CDK5RAP2: variants seen among roughly 807,000 people sequenced by gnomAD.
CDK5RAP2 encodes CDK5 regulatory subunit-associated protein 2.
A neutral mutation model predicts 232.9 loss-of-function variants in CDK5RAP2; 147 were observed. The observed-to-expected ratio is 0.63, with a 90% CI of 0.55 to 0.72. The LOEUF (loss-of-function observed/expected upper bound fraction) is 0.72, where lower values mean the gene tolerates loss of function less well. Ranked by LOEUF, CDK5RAP2 falls within the 30% of genes least tolerant of loss-of-function variation. The probability of loss-of-function intolerance (pLI) is 0.00; values close to 1 mark genes in which losing one functional copy is unlikely to be tolerated. For synonymous variants in CDK5RAP2, 833 were observed against 833.7 expected, an observed-to-expected ratio of 1.00 and a Z score of 0.01; for missense variants, 2,195 against 2,231.5, an observed-to-expected ratio of 0.98 and a Z score of 0.33.
chr9:120,458,390 A>T, intron 20 of CDK5RAP2, 60 bp downstream of exon 20: 2 of 1,538,902 alleles, frequency 1.3e-6, no homozygotes, highest in Non-Finnish European at 1.8e-6. Flanking sequence ...CATTTAGCAA[A>T]ATGAGTTTGT....
In CDK5RAP2 at chr9:120,477,355, T is replaced by C; in HGVS notation, c.1722A>G (p.Ser574=). The change falls in exon 15 of 38, where the codon TCA becomes TCG. Residue 574 remains serine, a synonymous_variant. Coordinates refer to ENST00000349780, the MANE Select transcript of CDK5RAP2 (RefSeq NM_018249.6). The part of the protein sequence containing the change: ...YTHLVKSLQE[S]DSINNLQAEL... ...GTCCAGACAGAAACGCTTACCTGTCTGATTCCTGCAGAGATTTGACCAGAT... is the reference window on the plus strand; with the variant it reads ...GTCCAGACAGAAACGCTTACCTGTCCGATTCCTGCAGAGATTTGACCAGAT... The C allele has an allele frequency of 6.2e-7, 1 of 1,612,568 alleles. No individual in the cohort carries two copies. Among genetic ancestry groups the C allele is most frequent in the Non-Finnish European group, 8.5e-7 (1 of 1,178,866 alleles).
At chr9:120,401,005 A>G (rs2032963334) in intron 34 of CDK5RAP2, 120 bp from the exon 35 acceptor site, 1 of 1,052,232 alleles carries the variant, frequency 9.5e-7, no homozygotes, top group African/African-American at 1.6e-5. Context: ...GCTGAGCGAA[A>G]GCCTGGTACC....
At chr9:120,450,303 G>A (rs191662544) in intron 21 of CDK5RAP2, among the ~76,000 whole-genome samples, 1 of 152,304 alleles carries the variant, frequency 6.6e-6, no homozygotes, top group Non-Finnish European at 1.5e-5. Flanking sequence ...ATCCAGAATA[G>A]GCAAATTGAA....
Position 120,402,900 on chromosome 9 carries a change from A to G in CDK5RAP2, c.5213T>C (p.Leu1738Pro), listed in dbSNP as rs2033149120. 6.2e-7 allele frequency: 1 copy of G among 1,614,088 alleles called. No homozygotes were observed. Among genetic ancestry groups the G allele is most frequent in the Non-Finnish European group, 8.5e-7 (1 of 1,180,032 alleles). ...CCTCTGTCCCTGGCTGATCTGTTTG[A>G]GCAGGGCCTCATAGTCCTCAATCAG... ...LGLIEDYEAL[L>P]KQISQGQRLL... Residue 1738 changes from leucine to proline, a missense_variant, in exon 34 of 38, where the codon CTC (leucine) becomes CCC (proline). Leu to Pro is a moderately conservative substitution (Grantham distance 98). Transcript: ENST00000349780.
intron 34 of CDK5RAP2, among the ~76,000 whole-genome samples, chr9:120,401,457 A>T (rs1052740758): frequency 2.0e-5 from 3 of 151,962 alleles, no homozygotes; most frequent in African/African-American, 7.3e-5. Flanking sequence ...ACAAAAAAAT[A>T]AAAAATTAGC....
chr9:120,530,894 T>C (rs1165541541), intron 7 of CDK5RAP2, among the ~76,000 whole-genome samples: 1 of 8,286 alleles, frequency 1.2e-4, no homozygotes, highest in Non-Finnish European at 1.4e-3. Context: ...CATTAGGAGA[T>C]ATACCTAATG....
intron 12 of CDK5RAP2, among the ~76,000 whole-genome samples, chr9:120,515,543 T>C (rs1478651885): frequency 6.6e-6 from 1 of 152,226 alleles, no homozygotes; most frequent in East Asian, 1.9e-4. Context: ...TAACACTGAA[T>C]AAAGATGAGA....
Position 120,557,629 on chromosome 9 carries a change from C to T in CDK5RAP2, c.196-6727G>A, listed in dbSNP as rs540259141. 2.0e-5 allele frequency among the ~76,000 whole-genome samples: 3 copies of T among 152,120 alleles called. No homozygotes were observed. In the South Asian group the frequency reaches 6.2e-4, roughly 32 times the overall value. On this transcript the variant is annotated intron_variant, in intron 3 of 37. Coordinates refer to ENST00000349780, the MANE Select transcript of CDK5RAP2 (RefSeq NM_018249.6). ...TAAAAATTAGCTGGGTATAGTGGCA[C>T]ACACCTGTAGTCCCAGCTACTCGAG... is the stretch of plus-strand genomic sequence containing the variant.
At chr9:120,525,121 TCTC>T (rs751778946) in intron 10 of CDK5RAP2, 43 bp from the exon 11 acceptor site, 22 of 1,435,582 alleles carry the variant, frequency 1.5e-5, no homozygotes, top group Non-Finnish European at 2.2e-5. Flanking sequence ...GTAACTGGGC[TCTC>T]CTCTCTGCAC....
At chr9:120,520,736 ATCATGTGATATCTCATATC>A (rs1244789328) in intron 11 of CDK5RAP2, among the ~76,000 whole-genome samples, 3 of 150,062 alleles carry the variant, frequency 2.0e-5, no homozygotes, top group African/African-American at 7.4e-5. Flanking sequence ...TCATATATGT[ATCATGTGATATCTCATATC>A]TCATGAGATA....
intron 3 of CDK5RAP2, among the ~76,000 whole-genome samples, chr9:120,559,583 A>C (rs1453252452): frequency 6.6e-6 from 1 of 151,720 alleles, no homozygotes; most frequent in Non-Finnish European, 1.5e-5. Flanking sequence ...AAAAAAAAAA[A>C]AAAAAACTTG....
intron 18 of CDK5RAP2, 180 bp from the exon 19 acceptor site, chr9:120,460,847 T>G: frequency 2.0e-6 from 2 of 1,011,492 alleles, no homozygotes; most frequent in South Asian, 3.1e-5. Flanking sequence ...AGTTGCTAGT[T>G]GTGGCGAATC....
Position 120,402,923 on chromosome 9 carries a change from C to T in CDK5RAP2, c.5190G>A (p.Leu1730=). 6.2e-7 allele frequency: 1 copy of T among 1,614,180 alleles called. No homozygotes were observed. Among genetic ancestry groups the T allele is most frequent in the Non-Finnish European group, 8.5e-7 (1 of 1,180,036 alleles). Residue 1730 remains leucine, a synonymous_variant, in exon 34 of 38, where the codon CTG becomes CTA. Transcript: ENST00000349780. The part of the protein sequence containing the change: ...ASKNGRHVLG[L]IEDYEALLKQ... ...TGAGCAGGGCCTCATAGTCCTCAAT[C>T]AGGCCCAGGACATGGCGGCCATTCT...
intron 14 of CDK5RAP2, among the ~76,000 whole-genome samples, chr9:120,483,739 G>A (rs1276985452): frequency 1.3e-5 from 2 of 152,214 alleles, no homozygotes; most frequent in Non-Finnish European, 2.9e-5. Flanking sequence ...TGAGTAGTAG[G>A]ACTGGCATTC....
At chr9:120,496,747 C>G (rs1776451619) in intron 12 of CDK5RAP2, among the ~76,000 whole-genome samples, 1 of 130,972 alleles carries the variant, frequency 7.6e-6, no homozygotes, top group Non-Finnish European at 1.6e-5. Context: ...GGGGGGTCAG[C>G]CCCCCGCCCG....
chr9:120,491,441 C>T lies in CDK5RAP2; in HGVS notation c.1348G>A (p.Val450Met). 1 of 1,612,006 alleles carries T rather than the reference C, an allele frequency of 6.2e-7. No individual in the cohort carries two copies. The change falls in exon 13 of 38, where the codon GTG becomes ATG. Residue 450 changes from valine (V) to methionine (M), a missense_variant. Transcript: ENST00000349780. ...RNEVEKLRNE[V>M]NEREKAMENR... ...TCCATTGCTTTCTCTCTTTCATTCA[C>T]TTCATTGCGTAATTTTTCAACTTCA...
At chr9:120,464,430 C>A (rs1319712266) in intron 18 of CDK5RAP2, among the ~76,000 whole-genome samples, 1 of 152,158 alleles carries the variant, frequency 6.6e-6, no homozygotes, top group Non-Finnish European at 1.5e-5. Flanking sequence ...AACATCAATG[C>A]CTGACGCTCA....
At chr9:120,401,001 C>G in intron 34 of CDK5RAP2, 116 bp from the exon 35 acceptor site, 1 of 1,125,480 alleles carries the variant, frequency 8.9e-7, no homozygotes. Context: ...ACACGCTGAG[C>G]GAAAGCCTGG....
chr9:120,395,786 C>T (rs2032415315), intron 35 of CDK5RAP2, among the ~76,000 whole-genome samples: 1 of 152,190 alleles, frequency 6.6e-6, no homozygotes, highest in African/African-American at 2.4e-5. Context: ...TGTATGAAAA[C>T]TAACATATGC....
Sources: gnomAD v4.1 joint callset for allele counts (sites outside exome capture counted in the v4.1 genomes callset) on GRCh38, gnomAD v4.1.1 for gene constraint, MANE v1.5 for transcripts, NCBI Gene and HGNC (gene_info 2026-07-23, HGNC 2026-07-21) for gene names.